The following RIMOC1 variants were observed in gnomAD, a reference collection of about 807,000 sequenced individuals.
RIMOC1 encodes RAB7A-interacting MON1-CCZ1 complex subunit 1.
At chr5:41,907,916 G>A in the RIMOC1 span, 2 of 853,378 alleles carry the variant, frequency 2.3e-6, no homozygotes, top group South Asian at 1.6e-5. Flanking sequence ...TCCAACTTTA[G>A]GTAAAATGAA....
chr5:41,904,649 A>G, the RIMOC1 span, among the ~76,000 whole-genome samples: 1 of 152,078 alleles, frequency 6.6e-6, no homozygotes, highest in Non-Finnish European at 1.5e-5. Context: ...CCCAGAACTC[A>G]CAATGCCAAG....
chr5:41,913,094 C>T, the RIMOC1 span, among the ~76,000 whole-genome samples: 14 of 152,124 alleles, frequency 9.2e-5, no homozygotes, highest in South Asian at 2.1e-4. Context: ...TTCTCAGTAT[C>T]CCAAGATGTT....
chr5:41,916,041 GAAC>G, the RIMOC1 span, among the ~76,000 whole-genome samples: 2 of 152,182 alleles, frequency 1.3e-5, no homozygotes, highest in Non-Finnish European at 1.5e-5. Flanking sequence ...CATATTAGGT[GAAC>G]AACAGACATT....
chr5:41,907,067 GA>G, the RIMOC1 span, among the ~76,000 whole-genome samples: 2 of 151,794 alleles, frequency 1.3e-5, no homozygotes, highest in African/African-American at 2.4e-5. Flanking sequence ...TAGAGAAAGG[GA>G]AAAAAAATCA....
At chr5:41,916,452 T>C in the RIMOC1 span, 1 of 966,810 alleles carries the variant, frequency 1.0e-6, no homozygotes, top group East Asian at 1.1e-4. Flanking sequence ...TTTCTGGTAA[T>C]ACAAAGCATC....
At chr5:41,917,461 C>T in the RIMOC1 span, 2 of 1,349,300 alleles carry the variant, frequency 1.5e-6, no homozygotes, top group Non-Finnish European at 1.9e-6. Context: ...CCATCTTTTT[C>T]ATTATATATT....
the RIMOC1 span, chr5:41,904,607 C>T: frequency 3.5e-5 from 25 of 717,450 alleles, no homozygotes; most frequent in Non-Finnish European, 5.4e-5. Flanking sequence ...TCTGTCGCTT[C>T]TGAGCCCCTC....
the RIMOC1 span, chr5:41,909,677 A>G: frequency 6.0e-6 from 7 of 1,166,224 alleles, no homozygotes; most frequent in Non-Finnish European, 8.3e-6. Flanking sequence ...GTGCAAGGTT[A>G]GACTGTAAGA....
chr5:41,917,931 T>G, the RIMOC1 span: 3 of 914,320 alleles, frequency 3.3e-6, no homozygotes, highest in Non-Finnish European at 3.9e-6. Flanking sequence ...TTCTATTTTG[T>G]TTAAAAGACA....
At chr5:41,916,054 T>C in the RIMOC1 span, among the ~76,000 whole-genome samples, 2 of 152,232 alleles carry the variant, frequency 1.3e-5, no homozygotes, top group African/African-American at 4.8e-5. Context: ...CAACAGACAT[T>C]GTGATGCTCA....
chr5:41,918,701 A>C, the RIMOC1 span: 2 of 985,322 alleles, frequency 2.0e-6, no homozygotes, highest in South Asian at 9.4e-5. Flanking sequence ...CCTCTCTCCC[A>C]TTTCCCGCTG....
At chr5:41,906,050 T>C in the RIMOC1 span, among the ~76,000 whole-genome samples, 516 of 152,360 alleles carry the variant, frequency 3.4e-3, 4 homozygotes, top group African/African-American at 0.012. Context: ...AAGAATAATA[T>C]ACATTCAAAC....
the RIMOC1 span, among the ~76,000 whole-genome samples, chr5:41,915,512 T>C: frequency 5.9e-5 from 9 of 152,114 alleles, no homozygotes; most frequent in Non-Finnish European, 1.3e-4. Context: ...AATAAAGACA[T>C]ACCCAAGACT....
chr5:41,914,239 G>C, the RIMOC1 span, among the ~76,000 whole-genome samples: 2 of 152,068 alleles, frequency 1.3e-5, no homozygotes, highest in Non-Finnish European at 2.9e-5. Flanking sequence ...CTTCAACAAG[G>C]GAATTAAAAG....
the RIMOC1 span, chr5:41,907,983 C>A: frequency 3.2e-6 from 2 of 616,390 alleles, no homozygotes; most frequent in Non-Finnish European, 5.6e-6. Context: ...ATGAATAAAA[C>A]ACAAAAACTT....
the RIMOC1 span, chr5:41,907,611 T>G: frequency 1.7e-5 from 10 of 572,302 alleles, no homozygotes; most frequent in African/African-American, 1.7e-4. Flanking sequence ...TTACTATAAT[T>G]CTGTTTCTCC....
At chr5:41,920,343 GCTAAATCATTCA>G in the RIMOC1 span, 1 of 152,090 alleles carries the variant, frequency 6.6e-6, no homozygotes, top group South Asian at 2.1e-4. Flanking sequence ...GTTAAAGCCT[GCTAAATCATTCA>G]CTTAGAATGA....
At chr5:41,905,085 G>A in the RIMOC1 span, among the ~76,000 whole-genome samples, 3 of 152,190 alleles carry the variant, frequency 2.0e-5, no homozygotes, top group Admixed American at 6.5e-5. Flanking sequence ...CTGAATTTAA[G>A]TCCAATTCTT....
chr5:41,907,324 G>T, the RIMOC1 span, among the ~76,000 whole-genome samples: 1 of 152,090 alleles, frequency 6.6e-6, no homozygotes, highest in Non-Finnish European at 1.5e-5. Flanking sequence ...AATAACATTT[G>T]CAACTACATT....
Sources: gnomAD v4.1 joint callset for allele counts (sites outside exome capture counted in the v4.1 genomes callset) on GRCh38, gnomAD v4.1.1 for gene constraint, MANE v1.5 for transcripts, NCBI Gene and HGNC (gene_info 2026-07-23, HGNC 2026-07-21) for gene names.